The following DOCK5 variants were observed in gnomAD, a reference collection of about 807,000 sequenced individuals.
DOCK5 encodes dedicator of cytokinesis 5.
A neutral mutation model predicts 251.8 loss-of-function variants in DOCK5; 142 were observed. The ratio of observed to expected loss-of-function variants is 0.56; its 90% CI spans 0.49 to 0.65. The LOEUF (loss-of-function observed/expected upper bound fraction) is 0.65, where lower values mean the gene tolerates loss of function less well. Ranked by LOEUF, DOCK5 falls within the 30% of genes least tolerant of loss-of-function variation. The pLI is 0.00. For synonymous variants in DOCK5, 842 were observed against 835.5 expected, an observed-to-expected ratio of 1.01 and a Z score of -0.13; for missense variants, 2,111 against 2,312.3, an observed-to-expected ratio of 0.91 and a Z score of 1.79.
At chr8:25,364,565 G>T in intron 29 of DOCK5, 61 bp from the exon 30 acceptor site, 1 of 1,256,026 alleles carries the variant, frequency 8.0e-7, no homozygotes, top group Non-Finnish European at 1.1e-6. Context: ...CTTAATATAG[G>T]TGGGAAAAGG....
chr8:25,191,933 A>G (rs1226818588), intron 1 of DOCK5, among the ~76,000 whole-genome samples: 3 of 97,614 alleles, frequency 3.1e-5, no homozygotes, highest in South Asian at 4.1e-4. Flanking sequence ...CCACCCCACA[A>G]CAGGCCCTGG....
intron 11 of DOCK5, among the ~76,000 whole-genome samples, chr8:25,306,845 A>T (rs1012780470): frequency 6.6e-6 from 1 of 152,240 alleles, no homozygotes; most frequent in Non-Finnish European, 1.5e-5. Context: ...ACATGTCACT[A>T]GGCTCTCTTG....
intron 48 of DOCK5, among the ~76,000 whole-genome samples, chr8:25,407,037 T>C (rs1801535081): frequency 6.6e-6 from 1 of 152,100 alleles, no homozygotes; most frequent in Admixed American, 6.5e-5. Context: ...ATTTAAGCTG[T>C]ATCCTTCTTT....
intron 13 of DOCK5, 38 bp downstream of exon 13, chr8:25,310,570 T>A: frequency 5.1e-6 from 8 of 1,555,034 alleles, no homozygotes; most frequent in Non-Finnish European, 7.0e-6. Flanking sequence ...TGCTTCCTCC[T>A]GTTCAGCGAT....
rs1363668012 is a variant in DOCK5 at position 25,414,571 on chromosome 8, C to T, written c.*3273C>T. ...CCTTCTCCTCTAGTTGCCCCTAGGTCACTGGCTAATTTATTTTAAAATTTA... is the reference window on the plus strand; with the variant it reads ...CCTTCTCCTCTAGTTGCCCCTAGGTTACTGGCTAATTTATTTTAAAATTTA... On this transcript the variant is annotated 3_prime_UTR_variant, in exon 52 of 52. Transcript: ENST00000276440. 1 of 152,156 alleles carries T rather than the reference C, an allele frequency of 6.6e-6. No homozygotes were observed. Among genetic ancestry groups the T allele is most frequent in the East Asian group, 1.9e-4 (1 of 5,184 alleles). The allele number at this position is 152,156 out of a possible 1,614,324, so 9.4% of individuals were successfully genotyped here.
At chr8:25,399,830 G>A in intron 45 of DOCK5, 81 bp from the exon 46 acceptor site, 1 of 1,055,216 alleles carries the variant, frequency 9.5e-7, no homozygotes, top group Non-Finnish European at 1.4e-6. Context: ...CTTCCGCACA[G>A]GACACATGTT....
intron 2 of DOCK5, among the ~76,000 whole-genome samples, chr8:25,255,905 G>C (rs1803409051): frequency 1.3e-5 from 2 of 152,196 alleles, no homozygotes; most frequent in South Asian, 2.1e-4. Context: ...TTAACTCTGT[G>C]CTTGAGTACA....
At chr8:25,403,451 C>T in intron 47 of DOCK5, 107 bp from the exon 48 acceptor site, 2 of 1,201,412 alleles carry the variant, frequency 1.7e-6, no homozygotes, top group East Asian at 4.7e-5. Context: ...AGCCACATAA[C>T]CAGTACAGAT....
chr8:25,194,830 T>C (rs928702151), intron 1 of DOCK5, among the ~76,000 whole-genome samples: 1 of 152,146 alleles, frequency 6.6e-6, no homozygotes, highest in African/African-American at 2.4e-5. Context: ...AGTCTGTCCT[T>C]CCTCCAAAAT....
At chr8:25,224,198 A>G (rs1802462039) in intron 1 of DOCK5, among the ~76,000 whole-genome samples, 1 of 152,110 alleles carries the variant, frequency 6.6e-6, no homozygotes, top group South Asian at 2.1e-4. Flanking sequence ...GGCTCACTGC[A>G]ACCTCCGCCT....
intron 1 of DOCK5, among the ~76,000 whole-genome samples, chr8:25,215,934 C>T (rs73558443): frequency 0.048 from 2,584 of 54,358 alleles, 68 homozygotes; most frequent in African/African-American, 0.2. Flanking sequence ...GAAATAAATA[C>T]ACACACACAC....
chr8:25,374,529 A>G lies in DOCK5; in HGVS notation c.3726-35A>G, dbSNP rs181544211. 869 of 1,577,216 alleles carry G rather than the reference A, an allele frequency of 5.5e-4. 10 individuals are homozygous for G. The highest frequency in any genetic ancestry group is 1.2e-3 in the Middle Eastern group (7 of 5,838). ...AACTAAAAAACCTATAAAACTCTCGAGTGACAAAATGCTTCCTTCTCCCCT... is the reference window on the plus strand; with the variant it reads ...AACTAAAAAACCTATAAAACTCTCGGGTGACAAAATGCTTCCTTCTCCCCT... On this transcript the variant is annotated intron_variant, in intron 36 of 51. Transcript: ENST00000276440.
At chr8:25,211,068 A>G (rs1317373018) in intron 1 of DOCK5, among the ~76,000 whole-genome samples, 2 of 71,134 alleles carry the variant, frequency 2.8e-5, no homozygotes, top group African/African-American at 6.4e-5. Context: ...TGCTTTAATA[A>G]GACAGTGGTC....
intron 5 of DOCK5, among the ~76,000 whole-genome samples, chr8:25,286,413 C>A (rs576895214): frequency 6.6e-6 from 1 of 152,154 alleles, no homozygotes; most frequent in Non-Finnish European, 1.5e-5. Context: ...TAGTTCCAGT[C>A]TCTTTATTTT....
At position 25,364,670 on chromosome 8, in the gene DOCK5, G is replaced by T; in HGVS notation, c.3089G>T (p.Arg1030Ile). Reference protein sequence around the residue: ...AINQFAEVLTRFFMDQASFEL... With the variant: ...AINQFAEVLTIFFMDQASFEL... Reference sequence around the variant, plus strand: ...AATCAGTTTGCTGAAGTTCTCACAAGATTCTTCATGGATCAGGCAAGCTTT... The same window carrying T: ...AATCAGTTTGCTGAAGTTCTCACAATATTCTTCATGGATCAGGCAAGCTTT... The change falls in exon 30 of 52, where the codon AGA (arginine) becomes ATA (isoleucine). Residue 1030 changes from arginine to isoleucine, a missense_variant. Arg to Ile is a moderately conservative substitution (Grantham distance 97). Around this residue, in one of 3 missense-constraint regions of DOCK5, gnomAD observed 1,717 missense variants for 1,892.4 expected, o/e 0.91. Coordinates refer to ENST00000276440, the MANE Select transcript of DOCK5 (RefSeq NM_024940.8). 1 of 1,599,926 alleles carries T rather than the reference G, an allele frequency of 6.3e-7. No individual in the cohort carries two copies. Among genetic ancestry groups the T allele is most frequent in the Admixed American group, 1.7e-5 (1 of 58,614 alleles).
intron 8 of DOCK5, among the ~76,000 whole-genome samples, 163 bp from the exon 9 acceptor site, chr8:25,300,413 G>A (rs189216348): frequency 6.6e-6 from 1 of 152,310 alleles, no homozygotes; most frequent in African/African-American, 2.4e-5. Flanking sequence ...GTGGCCATCT[G>A]TGTGGTCCCA....
At position 25,194,000 on chromosome 8, in the gene DOCK5, T is replaced by A. The variant is rs141948805; in HGVS notation, c.43+9049T>A. On this transcript the variant is annotated intron_variant, in intron 1 of 51. Transcript: ENST00000276440. Reference sequence around the variant, plus strand: ...CTACTGTAGTTTCACAAAACGATAATTGAAGCCGGGCATGGTGGCTCACAC... The same window carrying A: ...CTACTGTAGTTTCACAAAACGATAAATGAAGCCGGGCATGGTGGCTCACAC... Among the ~76,000 whole-genome samples, 1,028 of 151,900 alleles carry A rather than the reference T, an allele frequency of 6.8e-3. 7 individuals carry two copies. Among genetic ancestry groups the A allele is most frequent in the Non-Finnish European group, 0.01 (698 of 67,916 alleles).
chr8:25,391,201 GTGTGT>G (rs1563227999), intron 42 of DOCK5, among the ~76,000 whole-genome samples: 37,561 of 139,518 alleles, frequency 0.27, 5,833 homozygotes, highest in South Asian at 0.48. Context: ...CCACACCTGT[GTGTGT>G]GTGTGTGTGT....
At position 25,376,152 on chromosome 8, in the gene DOCK5, G is replaced by A. The variant is rs1800959965; in HGVS notation, c.3817-1153G>A. On this transcript the variant is annotated intron_variant, in intron 37 of 51. Transcript: ENST00000276440. The stretch of plus-strand genomic sequence containing the variant: ...TACTGTATATAGCTTAGAAAGTGAG[G>A]CTTGTTGACTGTGGATTTCGCCATT... 4.1e-6 allele frequency: 4 copies of A among 983,536 alleles called. No homozygotes were observed. The Admixed American group carries it at 2.5e-4, about 61-fold the overall frequency. 60.9% of individuals were successfully genotyped at this position (983,536 alleles called of 1,614,324 possible).
Sources: gnomAD v4.1 joint callset for allele counts (sites outside exome capture counted in the v4.1 genomes callset) on GRCh38, gnomAD v4.1.1 for gene constraint, gnomAD v4.1.1 regional missense constraint, MANE v1.5 for transcripts, NCBI Gene and HGNC (gene_info 2026-07-23, HGNC 2026-07-21) for gene names.